PDE6A: variants seen among roughly 807,000 people sequenced by gnomAD.
PDE6A encodes phosphodiesterase 6A.
PDE6A carries 84 observed loss-of-function variants against 106.3 expected under a neutral mutation model. That is an observed-to-expected ratio of 0.79 (90% confidence interval 0.66 to 0.95). The LOEUF is 0.95. PDE6A is among the 40% of genes least tolerant of loss of function. The pLI, the probability that PDE6A is intolerant of heterozygous loss-of-function variation, is 0.00. For missense variants in PDE6A, 1,052 were observed against 1,084.9 expected, an observed-to-expected ratio of 0.97 and a Z score of 0.43; for synonymous variants, 394 against 386.6, an observed-to-expected ratio of 1.02 and a Z score of -0.23.
At chr5:149,896,262 C>A in intron 12 of PDE6A, 94 bp downstream of exon 12, 1 of 1,039,138 alleles carries the variant, frequency 9.6e-7, no homozygotes, top group South Asian at 1.3e-5. Context: ...AGAGTAAACT[C>A]TTTTTAAGGT....
chr5:149,896,808 A>T, intron 10 of PDE6A, 32 bp from the exon 11 acceptor site: 4 of 1,612,496 alleles, frequency 2.5e-6, no homozygotes, highest in Non-Finnish European at 3.4e-6. Context: ...GGGGAAAAAA[A>T]ATAGGTTACA....
chr5:149,868,264 T>C (rs1239590897), intron 17 of PDE6A, 106 bp from the exon 18 acceptor site: 4 of 1,132,218 alleles, frequency 3.5e-6, no homozygotes, highest in South Asian at 1.3e-5. Context: ...TAGGTGACTT[T>C]GTCTCATTGT....
At chr5:149,939,475 A>G (rs1053339060) in intron 1 of PDE6A, among the ~76,000 whole-genome samples, 4 of 152,148 alleles carry the variant, frequency 2.6e-5, no homozygotes, top group African/African-American at 9.7e-5. Flanking sequence ...TCCAAATTCC[A>G]CTCAAACCTG....
chr5:149,902,505 TAA>T (rs33979095), intron 8 of PDE6A, among the ~76,000 whole-genome samples: 15,230 of 140,604 alleles, frequency 0.11, 899 homozygotes, highest in South Asian at 0.18. Flanking sequence ...AAACATTTGT[TAA>T]AAAAAAAAAA....
intron 1 of PDE6A, among the ~76,000 whole-genome samples, chr5:149,934,973 G>C (rs1295654963): frequency 2.0e-5 from 3 of 152,134 alleles, no homozygotes; most frequent in African/African-American, 7.2e-5. Context: ...GGGAGTGGGG[G>C]ACTGACTTTG....
In PDE6A at chr5:149,921,690, G is replaced by A. The variant is rs114973968; in HGVS notation, c.878C>T (p.Pro293Leu). The change falls in exon 5 of 22, where the codon CCG becomes CTG. Residue 293 changes from proline (P) to leucine (L), a missense_variant. Physicochemically the swap from Pro to Leu is moderately conservative, Grantham distance 98 (BLOSUM62 -3). This residue lies in a region of PDE6A where 913 missense variants were observed against 915.2 expected (regional missense o/e 1.00). Coordinates refer to ENST00000255266, the MANE Select transcript of PDE6A (RefSeq NM_000440.3). ...TKQKEFFDVW[P>L]VLMGEVPPYS... ...AGGTGGAACTTCACCCATCAGAACC[G>A]GCCACACATCAAAAAATTCCTAGGA... 7,667 of 1,613,372 alleles carry A rather than the reference G, an allele frequency of 4.8e-3. 35 individuals carry two copies. Among genetic ancestry groups the A allele is most frequent in the Non-Finnish European group, 5.7e-3 (6,710 of 1,179,498 alleles).
chr5:149,929,523 C>T (rs1020860257), intron 4 of PDE6A, among the ~76,000 whole-genome samples: 6 of 152,042 alleles, frequency 3.9e-5, no homozygotes, highest in African/African-American at 1.2e-4. Flanking sequence ...AGGAGAATGG[C>T]GTGAACCCGG....
chr5:149,935,724 T>C (rs3776069), intron 1 of PDE6A, among the ~76,000 whole-genome samples: 26,453 of 152,202 alleles, frequency 0.17, 2,453 homozygotes, highest in South Asian at 0.28. Flanking sequence ...AATCCTCCTT[T>C]CTGTTTATTG....
chr5:149,939,084 C>T (rs1398062350), intron 1 of PDE6A, among the ~76,000 whole-genome samples: 1 of 152,080 alleles, frequency 6.6e-6, no homozygotes, highest in African/African-American at 2.4e-5. Context: ...TGCATTCTGC[C>T]CAGGGCCATG....
chr5:149,861,340 C>G (rs964581870), intron 21 of PDE6A, among the ~76,000 whole-genome samples: 1 of 152,212 alleles, frequency 6.6e-6, no homozygotes, highest in Non-Finnish European at 1.5e-5. Flanking sequence ...CAGATCTTAC[C>G]TTTTTACTCT....
chr5:149,878,805 T>G (rs2113536923), intron 17 of PDE6A, among the ~76,000 whole-genome samples: 1 of 152,344 alleles, frequency 6.6e-6, no homozygotes, highest in South Asian at 2.1e-4. Flanking sequence ...GGTTTGTGCC[T>G]TTTGCCCATT....
At chr5:149,870,150 G>A (rs1008892077) in intron 17 of PDE6A, among the ~76,000 whole-genome samples, 5 of 152,030 alleles carry the variant, frequency 3.3e-5, no homozygotes, top group Non-Finnish European at 5.9e-5. Flanking sequence ...TTAGCCAGGC[G>A]TGGTGGCATG....
chr5:149,930,874 A>G lies in PDE6A; in HGVS notation c.858+154T>C, dbSNP rs79923011. 2.1e-3 allele frequency among the ~76,000 whole-genome samples: 324 copies of G among 152,128 alleles called. 2 individuals are homozygous for G. The highest frequency in any genetic ancestry group is 7.4e-3 in the African/African-American group (309 of 41,484). ...TGACTTTTCCCCTTTAAAGGCTGAT[A>G]CTCCTCAGTAGAGACCTATGTAAGA... is the stretch of plus-strand genomic sequence containing the variant. On this transcript the variant is annotated intron_variant, in intron 4 of 21. Coordinates refer to ENST00000255266, the MANE Select transcript of PDE6A (RefSeq NM_000440.3).
intron 17 of PDE6A, among the ~76,000 whole-genome samples, chr5:149,869,282 A>C (rs1760448249): frequency 6.6e-6 from 1 of 151,146 alleles, no homozygotes; most frequent in South Asian, 2.1e-4. Flanking sequence ...GGGAGCTGAG[A>C]TCACACCACT....
intron 7 of PDE6A, 109 bp from the exon 8 acceptor site, chr5:149,903,804 A>T: frequency 1.2e-6 from 1 of 862,252 alleles, no homozygotes; most frequent in South Asian, 1.3e-5. Context: ...CAAGGCATTC[A>T]CATTCTTTTC....
At chr5:149,940,515 T>TTTTTTTTTTTTTTTG (rs1754300127) in intron 1 of PDE6A, among the ~76,000 whole-genome samples, 1 of 151,808 alleles carries the variant, frequency 6.6e-6, no homozygotes, top group African/African-American at 2.4e-5. Context: ...CTTTTTTTTT[T>TTTTTTTTTTTTTTTG]GGAGACAGTT....
intron 6 of PDE6A, among the ~76,000 whole-genome samples, chr5:149,911,039 C>T (rs1753368248): frequency 6.6e-6 from 1 of 151,962 alleles, no homozygotes; most frequent in Non-Finnish European, 1.5e-5. Flanking sequence ...ACCACCATGC[C>T]TGGCTAATTT....
At chr5:149,891,456 C>A (rs572502737) in intron 13 of PDE6A, among the ~76,000 whole-genome samples, 6 of 151,998 alleles carry the variant, frequency 3.9e-5, no homozygotes, top group African/African-American at 1.5e-4. Flanking sequence ...GGCGACAGAG[C>A]GAGATTCCAT....
At chr5:149,891,602 G>C (rs992713710) in intron 13 of PDE6A, among the ~76,000 whole-genome samples, 5 of 152,054 alleles carry the variant, frequency 3.3e-5, no homozygotes, top group African/African-American at 4.8e-5. Flanking sequence ...AAGAGTTCAA[G>C]ACCAGCCTGG....
Sources: allele counts gnomAD v4.1 joint callset (sites outside exome capture counted in the v4.1 genomes callset), GRCh38; gene constraint gnomAD v4.1.1; regional missense constraint gnomAD v4.1.1; transcripts MANE v1.5; gene names NCBI Gene and HGNC (gene_info 2026-07-23, HGNC 2026-07-21).